The following PSAP variants were observed in gnomAD, a reference collection of about 807,000 sequenced individuals.
The protein encoded by PSAP is precursor of saposins.
PSAP carries 25 observed loss-of-function variants against 66.0 expected under a neutral mutation model. The observed-to-expected ratio is 0.38, with a 90% CI of 0.28 to 0.53. The LOEUF (loss-of-function observed/expected upper bound fraction) is 0.53. Ranked by LOEUF, PSAP falls within the 20% of genes least tolerant of loss-of-function variation. The pLI, the probability that PSAP is intolerant of heterozygous loss-of-function variation, is 0.83. For synonymous variants in PSAP, 273 were observed against 258.9 expected, an observed-to-expected ratio of 1.05 and a Z score of -0.52; for missense variants, 649 against 668.8, an observed-to-expected ratio of 0.97 and a Z score of 0.33.
chr10:71,821,462 A>T (rs1033480580), intron 8 of PSAP, among the ~76,000 whole-genome samples: 2 of 152,218 alleles, frequency 1.3e-5, no homozygotes, highest in African/African-American at 4.8e-5. Context: ...TGTACTTAGT[A>T]TACAGGCTGC....
At chr10:71,847,129 A>AG (rs1842838157) in intron 1 of PSAP, among the ~76,000 whole-genome samples, 1 of 151,942 alleles carries the variant, frequency 6.6e-6, no homozygotes, top group Non-Finnish European at 1.5e-5. Flanking sequence ...AATCAATCCA[A>AG]CACACTTCAA....
intron 1 of PSAP, among the ~76,000 whole-genome samples, chr10:71,842,221 G>A (rs1211125968): frequency 1.3e-5 from 2 of 152,176 alleles, no homozygotes; most frequent in Non-Finnish European, 2.9e-5. Flanking sequence ...AGTTTCTGCG[G>A]AGGCATGTGA....
intron 7 of PSAP, among the ~76,000 whole-genome samples, chr10:71,824,674 G>A (rs1466747489): frequency 6.6e-6 from 1 of 152,018 alleles, no homozygotes; most frequent in Non-Finnish European, 1.5e-5. Context: ...CATATTTTTA[G>A]GCAAAAAATG....
intron 2 of PSAP, 24 bp from the exon 3 acceptor site, chr10:71,831,944 T>C (rs761040854): frequency 6.2e-7 from 1 of 1,609,244 alleles, no homozygotes; most frequent in Non-Finnish European, 8.5e-7. Context: ...TACGAGAAAT[T>C]TGTATTTGCA....
Position 71,831,134 on chromosome 10 carries a change from C to G in PSAP, c.367G>C (p.Gly123Arg). 3.1e-6 allele frequency: 5 copies of G among 1,614,098 alleles called. No individual in the cohort carries two copies. The highest frequency in any genetic ancestry group is 4.2e-6 in the Non-Finnish European group (5 of 1,179,986). ...TATTCCCCATCACTTACCATTTCTC[C>G]TTTAATGATGTCCAGGATGACAGGG... ...YLPVILDIIKGEMSRPGEVCS... is the reference protein window; with the variant it reads ...YLPVILDIIKREMSRPGEVCS... The change falls in exon 4 of 14, where the codon GGA becomes CGA. Residue 123 changes from glycine to arginine, a missense_variant. Gly to Arg is a moderately radical substitution (Grantham distance 125). Coordinates refer to ENST00000394936, the MANE Select transcript of PSAP (RefSeq NM_002778.4).
chr10:71,822,332 ATG>A (rs1842319914), intron 7 of PSAP: 1 of 424,528 alleles, frequency 2.4e-6, no homozygotes, highest in Admixed American at 3.5e-5. Context: ...CTGTTCTAGA[ATG>A]TGTCTTTTCA....
chr10:71,838,742 C>T (rs1842674518), intron 1 of PSAP, among the ~76,000 whole-genome samples: 1 of 152,000 alleles, frequency 6.6e-6, no homozygotes, highest in Admixed American at 6.6e-5. Flanking sequence ...GGCAATAAAG[C>T]CAGAGCCTGT....
chr10:71,839,176 G>A (rs1564824616), intron 1 of PSAP, among the ~76,000 whole-genome samples: 4 of 120,784 alleles, frequency 3.3e-5, no homozygotes, highest in African/African-American at 5.1e-5. Context: ...AACAGCACTC[G>A]GGGCAAATTG....
intron 9 of PSAP, 65 bp downstream of exon 9, chr10:71,820,175 C>T (rs1589446954): frequency 7.1e-7 from 1 of 1,402,782 alleles, no homozygotes. Context: ...GTGGGACTTT[C>T]CCACTGGGAC....
chr10:71,840,198 G>T (rs1842709886), intron 1 of PSAP, among the ~76,000 whole-genome samples: 1 of 151,950 alleles, frequency 6.6e-6, no homozygotes, highest in Non-Finnish European at 1.5e-5. Context: ...AAAAAAAAGA[G>T]GTAACAGAAA....
At chr10:71,834,158 G>A (rs1381923506) in intron 2 of PSAP, among the ~76,000 whole-genome samples, 2 of 152,178 alleles carry the variant, frequency 1.3e-5, no homozygotes, top group African/African-American at 4.8e-5. Flanking sequence ...GTAGCCTCAG[G>A]AGAGTGAAAC....
chr10:71,841,716 C>T (rs1451199102), intron 1 of PSAP, among the ~76,000 whole-genome samples: 2 of 151,978 alleles, frequency 1.3e-5, no homozygotes, highest in African/African-American at 2.4e-5. Flanking sequence ...ACTAAAAATA[C>T]AAAAAATGGC....
At position 71,828,090 on chromosome 10, in the gene PSAP, T is replaced by C; in HGVS notation, c.644A>G (p.Asn215Ser). 4.3e-6 allele frequency: 7 copies of C among 1,614,078 alleles called. No homozygotes were observed. Among genetic ancestry groups the C allele is most frequent in the Non-Finnish European group, 5.9e-6 (7 of 1,180,024 alleles). ...VTDIQTAVRTNSTFVQALVEH... is the reference protein window; with the variant it reads ...VTDIQTAVRTSSTFVQALVEH... ...CACCAAGGCCTGGACAAAGGTGGAG[T>C]TGGTCCGTACAGCAGTCTGGATGTC... The change falls in exon 6 of 14, where the codon AAC becomes AGC. Residue 215 changes from asparagine to serine, a missense_variant. Transcript: ENST00000394936.
chr10:71,829,653 C>G (rs973760597), intron 4 of PSAP, among the ~76,000 whole-genome samples: 1 of 151,980 alleles, frequency 6.6e-6, no homozygotes, highest in African/African-American at 2.4e-5. Flanking sequence ...AGCATGAAAA[C>G]GGACTAATAC....
intron 4 of PSAP, among the ~76,000 whole-genome samples, chr10:71,830,525 C>CT (rs1422504735): frequency 6.6e-6 from 1 of 152,234 alleles, no homozygotes; most frequent in Non-Finnish European, 1.5e-5. Context: ...GCCTAGGAGG[C>CT]TGTGTATGAC....
chr10:71,836,678 G>A (rs1270062473), intron 1 of PSAP, among the ~76,000 whole-genome samples: 1 of 152,120 alleles, frequency 6.6e-6, no homozygotes, highest in East Asian at 1.9e-4. Flanking sequence ...AAAAGCAGGG[G>A]CAAGTGACCA....
chr10:71,819,196 C>T, intron 11 of PSAP, 85 bp from the exon 12 acceptor site: 1 of 1,266,354 alleles, frequency 7.9e-7, no homozygotes, highest in East Asian at 2.4e-5. Context: ...GCCCTGGATA[C>T]ACTGTTCCCT....
intron 1 of PSAP, among the ~76,000 whole-genome samples, chr10:71,842,198 A>G (rs1211786556): frequency 2.0e-5 from 3 of 152,204 alleles, no homozygotes; most frequent in Non-Finnish European, 4.4e-5. Context: ...GCTCATTCAC[A>G]AAAGTCCAGT....
Position 71,829,002 on chromosome 10 carries a change from G to C in PSAP, c.451C>G (p.Gln151Glu), listed in dbSNP as rs1842456702. ...ATCTTATTGGACTCCAGCTGCTTCT[G>C]GTGATTCAGCTCTGCTAGGTGCTTC... ...LQKHLAELNH[Q>E]KQLESNKIPE... Residue 151 changes from glutamine (Q) to glutamate (E), a missense_variant, in exon 5 of 14, where the codon CAG (glutamine) becomes GAG (glutamate). Coordinates refer to ENST00000394936, the MANE Select transcript of PSAP (RefSeq NM_002778.4). 1 of 1,614,118 alleles carries C rather than the reference G, an allele frequency of 6.2e-7. No homozygotes were observed. Among genetic ancestry groups the C allele is most frequent in the African/African-American group, 1.3e-5 (1 of 75,014 alleles).
Sources: gnomAD v4.1 joint callset for allele counts (sites outside exome capture counted in the v4.1 genomes callset) on GRCh38, gnomAD v4.1.1 for gene constraint, MANE v1.5 for transcripts, NCBI Gene and HGNC (gene_info 2026-07-23, HGNC 2026-07-21) for gene names.